Variants in GTF3C2 observed in about 807,000 individuals in gnomAD.
GTF3C2 encodes general transcription factor IIIC subunit 2.
GTF3C2 carries 17 observed loss-of-function variants against 117.4 expected under a neutral mutation model. That is an observed-to-expected ratio of 0.14 (90% CI 0.10 to 0.22). The LOEUF is 0.22. Among genes scored for constraint, GTF3C2 ranks in the 10% least tolerant of loss-of-function variants. The pLI is 1.00. For synonymous variants in GTF3C2, 437 were observed against 427.0 expected (o/e 1.02, Z -0.29); for missense variants, 888 against 1,143.6 (o/e 0.78, Z 3.22).
chr2:27,356,085 A>G (rs1261946957), intron 1 of GTF3C2: 1 of 1,288,040 alleles, frequency 7.8e-7, no homozygotes, highest in East Asian at 5.5e-5. Context: ...GTTTGTCCAT[A>G]CCCTATACAT....
At chr2:27,356,581 T>C (rs930595194) in intron 1 of GTF3C2, 158 bp downstream of exon 1, 6 of 179,284 alleles carry the variant, frequency 3.3e-5, no homozygotes, top group Admixed American at 1.1e-4. Flanking sequence ...CGGAGCATGA[T>C]GGTGCTCTGT....
chr2:27,335,591 T>C lies in GTF3C2; in HGVS notation c.1576+7A>G. 3 of 1,462,862 alleles carry C rather than the reference T, an allele frequency of 2.1e-6. No individual in the cohort carries two copies. The highest frequency in any genetic ancestry group is 2.8e-6 in the Non-Finnish European group (3 of 1,065,686). 90.6% of individuals were successfully genotyped at this position (1,462,862 alleles called of 1,614,324 possible). A position where few individuals can be genotyped will look rare whatever the true frequency, so the allele number is the denominator to read the frequency against. ...AGCAGCCCCATTCTCCTTGCTGTGCTACTCACCTGGGGGTTGCTGAGCCAG... is the reference window on the plus strand; with the variant it reads ...AGCAGCCCCATTCTCCTTGCTGTGCCACTCACCTGGGGGTTGCTGAGCCAG... On this transcript the variant is annotated splice_region_variant and intron_variant, in intron 10 of 18. Transcript: ENST00000264720.
intron 1 of GTF3C2, among the ~76,000 whole-genome samples, chr2:27,354,934 A>G (rs1427720617): frequency 6.6e-6 from 1 of 152,214 alleles, no homozygotes; most frequent in African/African-American, 2.4e-5. Context: ...CTCTTCATTA[A>G]TTCATCAATA....
At chr2:27,331,124 A>G (rs781473927) in intron 12 of GTF3C2, among the ~76,000 whole-genome samples, 13 of 152,174 alleles carry the variant, frequency 8.5e-5, no homozygotes, top group Admixed American at 3.3e-4. Flanking sequence ...ATTGGAGGGG[A>G]GACTAAGATA....
At position 27,337,891 on chromosome 2, in the gene GTF3C2, T is replaced by C. The variant is rs772564359; in HGVS notation, c.950+35A>G. 6 of 1,285,720 alleles carry C rather than the reference T, an allele frequency of 4.7e-6. No homozygotes were observed. In the South Asian group the frequency reaches 5.9e-5, roughly 13 times the overall value. 79.6% of individuals were successfully genotyped at this position (1,285,720 alleles called of 1,614,324 possible). On this transcript the variant is annotated intron_variant, in intron 5 of 18. Coordinates refer to ENST00000264720, the Ensembl canonical transcript of GTF3C2. Reference sequence around the variant, plus strand: ...CGCCCTTGCACTCCTCTACCACCCCTTTATTAACCCCAGCCCCCTGTCCCC... The same window carrying C: ...CGCCCTTGCACTCCTCTACCACCCCCTTATTAACCCCAGCCCCCTGTCCCC...
chr2:27,356,164 C>G (rs1681369439), intron 1 of GTF3C2: 1 of 1,143,114 alleles, frequency 8.7e-7, no homozygotes, highest in South Asian at 1.3e-5. Context: ...AACAGGCAGC[C>G]AACTTGCCAC....
intron 1 of GTF3C2, among the ~76,000 whole-genome samples, chr2:27,345,177 G>T (rs1025117000): frequency 3.9e-5 from 6 of 152,046 alleles, no homozygotes; most frequent in Non-Finnish European, 8.8e-5. Flanking sequence ...CTGAAGACTT[G>T]GGAGGCTCCT....
rs1334456048 is a variant in GTF3C2 at position 27,343,752 on chromosome 2, ACTGGTAATATGAG to A, written c.-24-187_-24-175del. The A allele has an allele frequency of 8.7e-6, 5 of 572,652 alleles. No individual in the cohort carries two copies. The Admixed American group carries it at 1.2e-4, about 14-fold the overall frequency. The allele number at this position is 572,652 out of a possible 1,614,324, so 35.5% of individuals were successfully genotyped here. ...TCTATATGTCAGGACTGTTCTGGAA[ACTGGTAATATGAG>A]CCAGGTGCGGTGGCTCACACCTGTA... On this transcript the variant is annotated intron_variant, in intron 1 of 18. Transcript: ENST00000264720.
intron 1 of GTF3C2, among the ~76,000 whole-genome samples, chr2:27,349,868 G>T (rs992752636): frequency 6.6e-6 from 1 of 151,812 alleles, no homozygotes; most frequent in Non-Finnish European, 1.5e-5. Context: ...TTGAACTCCT[G>T]ACCTCAAATG....
In GTF3C2 at chr2:27,334,019, G is replaced by A; in HGVS notation, c.1577-20C>T. The A allele has an allele frequency of 6.3e-7, 1 of 1,599,444 alleles. No homozygotes were observed. ...CTGCATCTGTGAGGAAAAAGAGCAG[G>A]AACTAACTCTATGGATCCCAAGGAC... is the stretch of plus-strand genomic sequence containing the variant. On this transcript the variant is annotated intron_variant, in intron 10 of 18. Coordinates refer to ENST00000264720, the Ensembl canonical transcript of GTF3C2.
At chr2:27,350,587 GC>G in intron 1 of GTF3C2, 1 of 790,276 alleles carries the variant, frequency 1.3e-6, no homozygotes, top group Non-Finnish European at 1.5e-6. Flanking sequence ...ATCGCTTGAG[GC>G]CAGGAGTTCA....
intron 1 of GTF3C2, 36 bp from the exon 2 acceptor site, chr2:27,343,614 A>C (rs1412208798): frequency 6.4e-7 from 1 of 1,569,578 alleles, no homozygotes; most frequent in Admixed American, 1.7e-5. Flanking sequence ...TAGAGGACAA[A>C]AACTATTTGT....
exon 15 of GTF3C2, chr2:27,328,889 A>C: frequency 6.2e-7 from 1 of 1,613,240 alleles, no homozygotes; most frequent in Non-Finnish European, 8.5e-7. Flanking sequence ...CCTTGAAACC[A>C]AGGTAACCAG....
At chr2:27,338,000 T>C (rs1558617299) in exon 5 of GTF3C2, 1 of 1,610,630 alleles carries the variant, frequency 6.2e-7, no homozygotes, top group Non-Finnish European at 8.5e-7. Context: ...GAGCCATTCC[T>C]CGGCAGTGTG....
At chr2:27,326,492 G>C (rs1435353137) in exon 19 of GTF3C2, 2 of 609,926 alleles carry the variant, frequency 3.3e-6, no homozygotes, top group African/African-American at 3.7e-5. Flanking sequence ...CCTGCCCGCA[G>C]GGGGCTGTGA....
intron 10 of GTF3C2, among the ~76,000 whole-genome samples, chr2:27,334,642 G>A (rs952301630): frequency 1.0e-4 from 15 of 150,642 alleles, no homozygotes; most frequent in Admixed American, 4.6e-4. Flanking sequence ...CCTTCACAGC[G>A]AAATTTTTTT....
chr2:27,342,696 T>C, intron 3 of GTF3C2, 130 bp downstream of exon 3: 1 of 689,390 alleles, frequency 1.5e-6, no homozygotes, highest in South Asian at 1.8e-5. Flanking sequence ...AAAGGACTGC[T>C]CAAGTCCCTA....
rs777849191 is a variant in GTF3C2, at chr2:27,343,297, AAGGT to A, written c.247+7_247+10del. The A allele has an allele frequency of 6.2e-7, 1 of 1,610,944 alleles. No individual in the cohort carries two copies. Among genetic ancestry groups the A allele is most frequent in the African/African-American group, 1.3e-5 (1 of 74,828 alleles). ...ATGGGGAATAAAAAGATAAGAGGAC[AAGGT>A]ACATACCTGGCTGTTCCAGTCTGGA... On this transcript the variant is annotated splice_region_variant and intron_variant, in intron 2 of 18. Coordinates refer to ENST00000264720, the Ensembl canonical transcript of GTF3C2.
chr2:27,356,155 A>G (rs1015389495), intron 1 of GTF3C2: 2 of 1,231,308 alleles, frequency 1.6e-6, no homozygotes, highest in Admixed American at 4.6e-5. Flanking sequence ...GACTTCCCCA[A>G]CAGGCAGCCA....
Sources: gnomAD v4.1 joint callset for allele counts (sites outside exome capture counted in the v4.1 genomes callset) on GRCh38, gnomAD v4.1.1 for gene constraint, MANE v1.5 for transcripts, NCBI Gene and HGNC (gene_info 2026-07-23, HGNC 2026-07-21) for gene names.